LIMD1: variants seen among roughly 807,000 people sequenced by gnomAD.
LIMD1 encodes LIM domain-containing protein 1.
LIMD1 carries 23 observed loss-of-function variants against 58.4 expected under a neutral mutation model. The ratio of observed to expected loss-of-function variants is 0.39; its 90% CI spans 0.28 to 0.56. The LOEUF is 0.56. Among genes scored for constraint, LIMD1 ranks in the 20% least tolerant of loss-of-function variants. The pLI is 0.57. For missense variants in LIMD1, 838 were observed against 855.5 expected (o/e 0.98, Z 0.25); for synonymous variants, 334 against 345.5 (o/e 0.97, Z 0.37).
In LIMD1 at chr3:45,596,203, C is replaced by A. The variant is rs1389992061; in HGVS notation, c.1324C>A (p.Pro442Thr). The change falls in exon 1 of 8, where the codon CCC (proline) becomes ACC (threonine). Residue 442 changes from proline to threonine, a missense_variant. By Grantham distance (38) the Pro-to-Thr change is conservative (BLOSUM62 -1). Around this residue, in one of 3 missense-constraint regions of LIMD1, gnomAD observed 659 missense variants for 639.8 expected, o/e 1.03. Coordinates refer to ENST00000273317, the MANE Select transcript of LIMD1 (RefSeq NM_014240.3). ...CCTCGTCCCAGGTCCTGAGCTGAGA[C>A]CCTCTGCTGCTGAGTTGAAATTAGA... The part of the protein sequence containing the change: ...QPLVPGPELR[P>T]SAAELKLEAL... The A allele has an allele frequency of 2.5e-6, 4 of 1,613,608 alleles. No homozygotes were observed. The African/African-American group carries it at 5.3e-5, about 22-fold the overall frequency.
chr3:45,613,023 GC>G (rs1484884124), intron 1 of LIMD1: 3 of 152,208 alleles, frequency 2.0e-5, no homozygotes, highest in Non-Finnish European at 4.4e-5. Flanking sequence ...TCTATTTAGT[GC>G]CATGGTTTTT....
rs150909112 is a variant in LIMD1 at position 45,676,373 on chromosome 3, A to G, written c.1894-549A>G. Among the ~76,000 whole-genome samples the G allele has an allele frequency of 2.5e-4, 38 of 149,616 alleles. No individual in the cohort carries two copies. The East Asian group carries it at 3.3e-3, about 13-fold the overall frequency. On this transcript the variant is annotated intron_variant, in intron 7 of 7. Transcript: ENST00000273317. Reference sequence around the variant, plus strand: ...AAAAAAAAAAGGGATACGTGTGAAGATTTATTACATAGATATATGTTGTAC... The same window carrying G: ...AAAAAAAAAAGGGATACGTGTGAAGGTTTATTACATAGATATATGTTGTAC...
intron 4 of LIMD1, among the ~76,000 whole-genome samples, chr3:45,670,841 G>C (rs976073386): frequency 6.6e-6 from 1 of 152,136 alleles, no homozygotes; most frequent in Non-Finnish European, 1.5e-5. Context: ...TGAATGTCTA[G>C]ACAGAACCCC....
Position 45,594,803 on chromosome 3 carries a change from A to ACACACACACACACACACACACCACACACT in LIMD1, c.-56_-55insCACACACTCACACACACACACACACACAC, listed in dbSNP as rs1701319007. The ACACACACACACACACACACACCACACACT allele has an allele frequency of 4.0e-6, 1 of 250,642 alleles. No homozygotes were observed. The highest frequency in any genetic ancestry group is 3.1e-5 in the African/African-American group (1 of 32,250). The allele number at this position is 250,642 out of a possible 1,614,324, so 15.5% of individuals were successfully genotyped here. A position where few individuals can be genotyped will look rare whatever the true frequency, so the allele number is the denominator to read the frequency against. ...AACACACACACACACACACACACAC[A>ACACACACACACACACACACACCACACACT]CACACACACACACACACACACACAC... On this transcript the variant is annotated 5_prime_UTR_variant, in exon 1 of 8. Transcript: ENST00000273317.
chr3:45,673,549 TG>T, intron 6 of LIMD1, 44 bp downstream of exon 6: 1 of 1,420,078 alleles, frequency 7.0e-7, no homozygotes, highest in Non-Finnish European at 1.0e-6. Flanking sequence ...TTCTAAGACA[TG>T]AATATCTCCC....
At chr3:45,643,944 G>A (rs1387457849) in intron 2 of LIMD1, among the ~76,000 whole-genome samples, 2 of 148 alleles carry the variant, frequency 0.014, no homozygotes, top group Non-Finnish European at 0.031. Context: ...GCCTTAGTGG[G>A]GAGAAAAAAG....
chr3:45,619,561 G>A (rs941918293), intron 1 of LIMD1, among the ~76,000 whole-genome samples: 1 of 152,160 alleles, frequency 6.6e-6, no homozygotes, highest in Non-Finnish European at 1.5e-5. Flanking sequence ...CACTTTGGGA[G>A]GCCAAGATGG....
At chr3:45,622,456 C>T (rs1701636474) in intron 1 of LIMD1, among the ~76,000 whole-genome samples, 1 of 152,118 alleles carries the variant, frequency 6.6e-6, no homozygotes. Flanking sequence ...ACATATCAGG[C>T]ATGGTAAGAG....
intron 2 of LIMD1, among the ~76,000 whole-genome samples, chr3:45,641,114 T>C (rs1701837206): frequency 6.6e-6 from 1 of 152,160 alleles, no homozygotes; most frequent in South Asian, 2.1e-4. Flanking sequence ...CTCAACACCA[T>C]GGAGACGGCA....
intron 1 of LIMD1, among the ~76,000 whole-genome samples, chr3:45,603,684 A>C (rs971829455): frequency 6.6e-6 from 1 of 152,144 alleles, no homozygotes; most frequent in Non-Finnish European, 1.5e-5. Context: ...CTTTTAAAAA[A>C]TTGAGGCAGA....
chr3:45,597,035 T>A lies in LIMD1; in HGVS notation c.1408+748T>A, dbSNP rs1196983777. Among the ~76,000 whole-genome samples the A allele has an allele frequency of 3.3e-5, 5 of 151,364 alleles. No individual in the cohort carries two copies. In the East Asian group the frequency reaches 5.9e-4, roughly 18 times the overall value. On this transcript the variant is annotated intron_variant, in intron 1 of 7. Transcript: ENST00000273317. ...TGCCACCACACCTGGCTAATTTTTTTTTTTTAAGTAGAGACAGGGTTTCAC... is the reference window on the plus strand; with the variant it reads ...TGCCACCACACCTGGCTAATTTTTTATTTTTAAGTAGAGACAGGGTTTCAC...
chr3:45,641,677 G>C (rs114181587), intron 2 of LIMD1, among the ~76,000 whole-genome samples: 3,046 of 152,178 alleles, frequency 0.02, 106 homozygotes, highest in African/African-American at 0.069. Flanking sequence ...TGACTAGTTT[G>C]GTAAAGATAC....
At position 45,678,980 on chromosome 3, in the gene LIMD1, G is replaced by C. The variant is rs1315980778; in HGVS notation, c.*1921G>C. The C allele has an allele frequency of 3.3e-5, 5 of 152,172 alleles. No individual in the cohort carries two copies. Among genetic ancestry groups the C allele is most frequent in the African/African-American group, 1.2e-4 (5 of 41,418 alleles). 9.4% of individuals were successfully genotyped at this position (152,172 alleles called of 1,614,324 possible). A position where few individuals can be genotyped will look rare whatever the true frequency, so the allele number is the denominator to read the frequency against. On this transcript the variant is annotated 3_prime_UTR_variant, in exon 8 of 8. Transcript: ENST00000273317. ...GGGCTGGGGAAGTGAACCCTGAGGT[G>C]GGGACCCTCTCTTCCCATCAAATCA... is the stretch of plus-strand genomic sequence containing the variant.
chr3:45,650,540 A>T (rs1273049959), intron 2 of LIMD1, among the ~76,000 whole-genome samples: 5 of 117,742 alleles, frequency 4.2e-5, no homozygotes, highest in Non-Finnish European at 8.1e-5. Context: ...CCCTGTGTCC[A>T]CGTGTTCTGA....
intron 1 of LIMD1, among the ~76,000 whole-genome samples, chr3:45,624,431 G>C (rs1271529009): frequency 6.6e-6 from 1 of 152,156 alleles, no homozygotes; most frequent in Non-Finnish European, 1.5e-5. Context: ...CCATCGGCCA[G>C]GCGCGGTGTC....
At chr3:45,666,855 T>C (rs566904646) in intron 3 of LIMD1, among the ~76,000 whole-genome samples, 68 of 152,326 alleles carry the variant, frequency 4.5e-4, no homozygotes, top group African/African-American at 1.6e-3. Flanking sequence ...GGATGAGGAA[T>C]GTGAGATGCA....
chr3:45,615,601 G>A (rs937840952), intron 1 of LIMD1, among the ~76,000 whole-genome samples: 2 of 151,836 alleles, frequency 1.3e-5, no homozygotes, highest in African/African-American at 4.8e-5. Flanking sequence ...CTAAAAATGC[G>A]AAAAATTAGC....
chr3:45,659,078 GAAGTA>G (rs1205938043), intron 2 of LIMD1, among the ~76,000 whole-genome samples: 5 of 152,178 alleles, frequency 3.3e-5, no homozygotes, highest in African/African-American at 1.2e-4. Flanking sequence ...AGAAATATGT[GAAGTA>G]AAGTGAAATT....
intron 1 of LIMD1, among the ~76,000 whole-genome samples, chr3:45,597,342 C>G (rs1701368070): frequency 6.6e-6 from 1 of 152,192 alleles, no homozygotes; most frequent in Non-Finnish European, 1.5e-5. Context: ...CATGTGCCTC[C>G]TAACCCAGCC....
Sources: allele counts gnomAD v4.1 joint callset (sites outside exome capture counted in the v4.1 genomes callset), GRCh38; gene constraint gnomAD v4.1.1; regional missense constraint gnomAD v4.1.1; transcripts MANE v1.5; gene names NCBI Gene and HGNC (gene_info 2026-07-23, HGNC 2026-07-21).